Variants in MRTFA observed in about 807,000 individuals in gnomAD.
MRTFA encodes myocardin related transcription factor A, also known as myocardin-related transcription factor A.
Under a neutral mutation model 83.5 loss-of-function variants are expected in MRTFA, and 20 were observed. The ratio of observed to expected loss-of-function variants is 0.24; its 90% CI spans 0.17 to 0.35. The LOEUF is 0.35. Ranked by LOEUF, MRTFA falls within the 10% of genes least tolerant of loss-of-function variation. MRTFA has a pLI of 1.00. For synonymous variants in MRTFA, 659 were observed against 541.2 expected (o/e 1.22, Z -3.02); for missense variants, 1,200 against 1,224.7 (o/e 0.98, Z 0.30).
At position 40,636,500 on chromosome 22, in the gene MRTFA, G is replaced by C. The variant is rs1285897871; in HGVS notation, c.-106C>G. On this transcript the variant is annotated 5_prime_UTR_variant, in exon 1 of 15. Transcript: ENST00000355630. ...CACCGCCTCGCGCGGCTCCCGGCCG[G>C]GTTCCGCGGCTCGCCCCACTCCGGC... The C allele has an allele frequency of 2.0e-5, 3 of 152,382 alleles. No individual in the cohort carries two copies. The highest frequency in any genetic ancestry group is 2.9e-5 in the Non-Finnish European group (2 of 68,178). 9.4% of individuals were successfully genotyped at this position (152,382 alleles called of 1,614,324 possible). A position where few individuals can be genotyped will look rare whatever the true frequency, so the allele number is the denominator to read the frequency against.
At chr22:40,525,871 C>T (rs557830266) in intron 3 of MRTFA, among the ~76,000 whole-genome samples, 1 of 152,192 alleles carries the variant, frequency 6.6e-6, no homozygotes, top group East Asian at 1.9e-4. Context: ...AAAAATCCTC[C>T]TTGTGGCACT....
chr22:40,456,580 C>T (rs943930479), intron 4 of MRTFA, among the ~76,000 whole-genome samples: 1 of 152,172 alleles, frequency 6.6e-6, no homozygotes, highest in African/African-American at 2.4e-5. Flanking sequence ...CTCAGCTACT[C>T]AGAAGGCTGA....
chr22:40,557,193 C>G (rs117497702), intron 2 of MRTFA, among the ~76,000 whole-genome samples: 23 of 152,104 alleles, frequency 1.5e-4, no homozygotes, highest in African/African-American at 4.8e-4. Flanking sequence ...TAGGGAACCA[C>G]GACAGACATG....
At chr22:40,519,403 C>T in intron 3 of MRTFA, 1 of 1,321,620 alleles carries the variant, frequency 7.6e-7, no homozygotes, top group South Asian at 1.2e-5. Context: ...TTAGTCAGCT[C>T]ACTTCTTGGA....
chr22:40,555,624 G>A (rs1274042705), intron 2 of MRTFA, among the ~76,000 whole-genome samples: 1 of 150,428 alleles, frequency 6.6e-6, no homozygotes, highest in Non-Finnish European at 1.5e-5. Context: ...TGAATCCTAT[G>A]TAGTTAGTAA....
At chr22:40,622,502 A>G (rs1410061522) in intron 1 of MRTFA, among the ~76,000 whole-genome samples, 1 of 151,408 alleles carries the variant, frequency 6.6e-6, no homozygotes, top group African/African-American at 2.4e-5. Flanking sequence ...AGAATTATCC[A>G]GGTGGGCTCT....
chr22:40,543,949 G>A (rs990133397), intron 3 of MRTFA, among the ~76,000 whole-genome samples: 6 of 152,074 alleles, frequency 3.9e-5, no homozygotes, highest in Non-Finnish European at 7.4e-5. Context: ...TACAGTTATC[G>A]TAATTAAAAC....
chr22:40,617,454 C>T (rs988782160), intron 1 of MRTFA, among the ~76,000 whole-genome samples: 1 of 151,490 alleles, frequency 6.6e-6, no homozygotes, highest in Non-Finnish European at 1.5e-5. Context: ...TAGCCAGGCG[C>T]GGTGGCTCAC....
At chr22:40,471,092 C>A (rs2053902924) in intron 3 of MRTFA, among the ~76,000 whole-genome samples, 1 of 149,224 alleles carries the variant, frequency 6.7e-6, no homozygotes, top group Admixed American at 6.7e-5. Flanking sequence ...ATCAGAAATG[C>A]AAAAGGAGGC....
chr22:40,570,832 T>A (rs370308019), intron 2 of MRTFA, among the ~76,000 whole-genome samples: 74 of 151,646 alleles, frequency 4.9e-4, no homozygotes, highest in African/African-American at 1.7e-3. Context: ...AATAGACTTA[T>A]ATCATTTTTA....
At chr22:40,431,600 C>T (rs1205270497) in intron 5 of MRTFA, 120 bp from the exon 6 acceptor site, 1 of 909,470 alleles carries the variant, frequency 1.1e-6, no homozygotes, top group African/African-American at 1.6e-5. Flanking sequence ...TTCCCACAAC[C>T]TTAACTTGGT....
intron 6 of MRTFA, among the ~76,000 whole-genome samples, chr22:40,431,007 C>T (rs941483737): frequency 4.0e-5 from 6 of 151,766 alleles, no homozygotes; most frequent in Non-Finnish European, 5.9e-5. Flanking sequence ...AATGACTGAC[C>T]GAATGAATGA....
At chr22:40,503,177 C>G (rs754851044) in intron 3 of MRTFA, among the ~76,000 whole-genome samples, 35 of 152,188 alleles carry the variant, frequency 2.3e-4, no homozygotes, top group Non-Finnish European at 4.7e-4. Flanking sequence ...CAGAACTGAA[C>G]TAACAAGGCT....
intron 3 of MRTFA, among the ~76,000 whole-genome samples, chr22:40,515,300 T>C (rs1181842760): frequency 6.6e-6 from 1 of 152,168 alleles, no homozygotes; most frequent in Non-Finnish European, 1.5e-5. Context: ...ATCCTGGATA[T>C]AAAATGCTAA....
chr22:40,486,064 C>G (rs902816863), intron 3 of MRTFA, among the ~76,000 whole-genome samples: 1 of 152,168 alleles, frequency 6.6e-6, no homozygotes, highest in African/African-American at 2.4e-5. Context: ...CCTGAATGCC[C>G]TAGAGTAGCT....
intron 3 of MRTFA, among the ~76,000 whole-genome samples, chr22:40,489,637 T>A (rs1425076085): frequency 1.3e-5 from 2 of 152,080 alleles, no homozygotes; most frequent in Admixed American, 6.6e-5. Flanking sequence ...CTTTCAAGAC[T>A]GAGTCAATAT....
chr22:40,536,600 G>A (rs2055181545), intron 3 of MRTFA, among the ~76,000 whole-genome samples: 1 of 88,118 alleles, frequency 1.1e-5, no homozygotes, highest in East Asian at 3.6e-4. Context: ...CTGCCTGGCT[G>A]CCCAGTCTGG....
chr22:40,416,953 C>T lies in MRTFA; in HGVS notation c.2578+33G>A. The T allele has an allele frequency of 6.4e-6, 10 of 1,571,072 alleles. No homozygotes were observed. Among genetic ancestry groups the T allele is most frequent in the Non-Finnish European group, 8.7e-6 (10 of 1,155,898 alleles). On this transcript the variant is annotated intron_variant, in intron 14 of 14. Coordinates refer to ENST00000355630, the MANE Select transcript of MRTFA (RefSeq NM_020831.6). The surrounding 1 kb of genome is among the most constrained non-coding windows in gnomAD (Gnocchi z 4.2). ...TAGAGACACCTATGAACAGAGAAGGCCGTCAGGGAGGCAGCAGGGGACCTG... is the reference window on the plus strand; with the variant it reads ...TAGAGACACCTATGAACAGAGAAGGTCGTCAGGGAGGCAGCAGGGGACCTG...
chr22:40,490,427 G>C lies in MRTFA; in HGVS notation c.242-27141C>G, dbSNP rs1047638068. Among the ~76,000 whole-genome samples the C allele has an allele frequency of 1.6e-4, 24 of 152,002 alleles. 1 individual carries two copies. The highest frequency in any genetic ancestry group is 1.4e-3 in the Admixed American group (22 of 15,244). ...CATCCTGGCTAATACGTGAAACCCT[G>C]TCTCTGCTAAAAATACAAAAAACTA... On this transcript the variant is annotated intron_variant, in intron 3 of 14. Transcript: ENST00000355630.
Sources: gnomAD v4.1 joint callset for allele counts (sites outside exome capture counted in the v4.1 genomes callset) on GRCh38, gnomAD v4.1.1 for gene constraint, Gnocchi (gnomAD v3.1) non-coding constraint, MANE v1.5 for transcripts, NCBI Gene and HGNC (gene_info 2026-07-23, HGNC 2026-07-21) for gene names.